Variants in DIAPH3 observed in about 807,000 individuals in gnomAD.
DIAPH3 encodes the protein protein diaphanous homolog 3.
Under a neutral mutation model 144.3 loss-of-function variants are expected in DIAPH3, and 117 were observed. The observed-to-expected ratio is 0.81, with a 90% CI of 0.70 to 0.95. DIAPH3 has a LOEUF of 0.95. DIAPH3 is among the 40% of genes least tolerant of loss of function. The pLI, the probability that DIAPH3 is intolerant of heterozygous loss-of-function variation, is 0.00. For synonymous variants in DIAPH3, 519 were observed against 488.9 expected (o/e 1.06, Z -0.81); for missense variants, 1,421 against 1,412.7 (o/e 1.01, Z -0.09).
chr13:59,753,621 G>A (rs950571534), intron 27 of DIAPH3, among the ~76,000 whole-genome samples: 2 of 152,098 alleles, frequency 1.3e-5, no homozygotes, highest in South Asian at 4.2e-4. Flanking sequence ...CACTTACAGT[G>A]AAATAAACAC....
chr13:60,049,439 T>G (rs562281347), intron 4 of DIAPH3, among the ~76,000 whole-genome samples: 6 of 152,310 alleles, frequency 3.9e-5, no homozygotes, highest in African/African-American at 1.4e-4. Flanking sequence ...TCAAGGATTC[T>G]GCATTCCCAC....
chr13:59,798,760 G>T (rs1432053318), intron 25 of DIAPH3, among the ~76,000 whole-genome samples: 2 of 152,186 alleles, frequency 1.3e-5, no homozygotes. Flanking sequence ...CCATCTGGTG[G>T]AAGAGAAATT....
At chr13:59,763,694 T>C (rs1593787613) in intron 27 of DIAPH3, among the ~76,000 whole-genome samples, 3 of 151,858 alleles carry the variant, frequency 2.0e-5, no homozygotes, top group African/African-American at 4.8e-5. Flanking sequence ...AAAAAAAAAA[T>C]TGTCTTTGAT....
intron 1 of DIAPH3, among the ~76,000 whole-genome samples, chr13:60,137,188 C>G (rs2059306929): frequency 6.6e-6 from 1 of 152,026 alleles, no homozygotes; most frequent in Non-Finnish European, 1.5e-5. Flanking sequence ...GAGGGTCACT[C>G]TGGAATTGAA....
chr13:59,774,093 G>T, intron 27 of DIAPH3, 96 bp downstream of exon 27: 1 of 1,223,764 alleles, frequency 8.2e-7, no homozygotes, highest in Non-Finnish European at 1.2e-6. Context: ...TAGTTATATT[G>T]GAACTTGAGA....
chr13:59,756,409 A>AAAGGAAGGAAGGAAGGAAGG lies in DIAPH3; in HGVS notation c.3319+17760_3319+17779dup, dbSNP rs762777029. Among the ~76,000 whole-genome samples, 244 of 137,618 alleles carry AAAGGAAGGAAGGAAGGAAGG rather than the reference A, an allele frequency of 1.8e-3. 1 individual carries two copies. Among genetic ancestry groups the AAAGGAAGGAAGGAAGGAAGG allele is most frequent in the South Asian group, 3.9e-3 (16 of 4,108 alleles). The allele number at this position is 137,618 out of a possible 152,430, so 90.3% of individuals were successfully genotyped here. A position where few individuals can be genotyped will look rare whatever the true frequency, so the allele number is the denominator to read the frequency against. ...TAGATACATGTGGTAAATTTAGTAA[A>AAAGGAAGGAAGGAAGGAAGG]AAGGAAGGAAGGAAGGAAGGAAGGA... is the stretch of plus-strand genomic sequence containing the variant. On this transcript the variant is annotated intron_variant, in intron 27 of 27. Transcript: ENST00000400324.
intron 4 of DIAPH3, among the ~76,000 whole-genome samples, chr13:60,086,364 G>A (rs1331336480): frequency 1.3e-5 from 2 of 152,068 alleles, no homozygotes; most frequent in Non-Finnish European, 2.9e-5. Flanking sequence ...AGGAATAAAT[G>A]AAAACTGAAG....
intron 25 of DIAPH3, among the ~76,000 whole-genome samples, chr13:59,798,175 C>T (rs1270766272): frequency 6.6e-6 from 1 of 152,148 alleles, no homozygotes; most frequent in Non-Finnish European, 1.5e-5. Context: ...CATCCTAGTT[C>T]AGGTCTTCTA....
chr13:59,829,161 G>A (rs879526558), intron 24 of DIAPH3, among the ~76,000 whole-genome samples: 26 of 151,990 alleles, frequency 1.7e-4, no homozygotes, highest in Middle Eastern at 3.4e-3. Flanking sequence ...GTTAGTCAAA[G>A]GTATAGCAAA....
intron 19 of DIAPH3, among the ~76,000 whole-genome samples, chr13:59,912,934 A>C (rs1381066151): frequency 1.3e-5 from 2 of 152,204 alleles, no homozygotes; most frequent in Admixed American, 6.5e-5. Flanking sequence ...CAAAACAAAA[A>C]AAAAGTGGCA....
chr13:59,943,363 C>T (rs1483873640), intron 17 of DIAPH3, among the ~76,000 whole-genome samples: 1 of 152,168 alleles, frequency 6.6e-6, no homozygotes, highest in African/African-American at 2.4e-5. Flanking sequence ...TTCTAGACCA[C>T]TGTTACTGTA....
intron 25 of DIAPH3, among the ~76,000 whole-genome samples, chr13:59,779,122 G>T (rs2038588322): frequency 1.3e-5 from 2 of 152,078 alleles, no homozygotes; most frequent in African/African-American, 2.4e-5. Flanking sequence ...CTGTCCACCT[G>T]GAACCTCTAC....
intron 21 of DIAPH3, among the ~76,000 whole-genome samples, chr13:59,865,834 T>A (rs899850133): frequency 1.3e-5 from 2 of 152,000 alleles, no homozygotes; most frequent in East Asian, 3.9e-4. Flanking sequence ...ATGGTAATAA[T>A]TTAAATTTAA....
chr13:59,971,120 G>A lies in DIAPH3; in HGVS notation c.1691C>T (p.Pro564Leu). The change falls in exon 16 of 28, where the codon CCC (proline) becomes CTC (leucine). Residue 564 changes from proline (P) to leucine (L), a missense_variant. Pro to Leu is a moderately conservative substitution (Grantham distance 98). Coordinates refer to ENST00000400324, the MANE Select transcript of DIAPH3 (RefSeq NM_001042517.2). Reference sequence around the variant, plus strand: ...GTGGCCAGTTCCACCTTCTTTAGAGGGAGGCAAAGGAATATTACAATCAGC... The same window carrying A: ...GTGGCCAGTTCCACCTTCTTTAGAGAGAGGCAAAGGAATATTACAATCAGC... ...LPADCNIPLP[P>L]SKEGGTGHSA... 1 of 1,601,636 alleles carries A rather than the reference G, an allele frequency of 6.2e-7. No individual in the cohort carries two copies. The highest frequency in any genetic ancestry group is 8.5e-7 in the Non-Finnish European group (1 of 1,173,420).
At chr13:60,153,995 A>G (rs1007745393) in intron 1 of DIAPH3, among the ~76,000 whole-genome samples, 4 of 152,100 alleles carry the variant, frequency 2.6e-5, no homozygotes, top group Admixed American at 6.6e-5. Context: ...TGCTCTGACC[A>G]TTCAGTCATC....
intron 1 of DIAPH3, among the ~76,000 whole-genome samples, chr13:60,157,280 G>A (rs2138450674): frequency 6.6e-6 from 1 of 152,218 alleles, no homozygotes; most frequent in Non-Finnish European, 1.5e-5. Context: ...ATGTAGCGCA[G>A]TACATGGGCC....
chr13:59,725,118 G>C (rs1459298887), intron 27 of DIAPH3, among the ~76,000 whole-genome samples: 1 of 152,194 alleles, frequency 6.6e-6, no homozygotes, highest in African/African-American at 2.4e-5. Context: ...GCATAGCTAA[G>C]TTTTGCTCAA....
In DIAPH3 at chr13:60,112,125, T is replaced by A; in HGVS notation, c.275A>T (p.Asn92Ile). ...GSKKERPPLP[N>I]LKTAFASSDC... Reference sequence around the variant, plus strand: ...ACTGCTTGCAAATGCAGTCTTCAGGTTGGGAAGTGGAGGTCTCTCTTTCTT... The same window carrying A: ...ACTGCTTGCAAATGCAGTCTTCAGGATGGGAAGTGGAGGTCTCTCTTTCTT... Residue 92 changes from asparagine (N) to isoleucine (I), a missense_variant, in exon 3 of 28, where the codon AAC (asparagine) becomes ATC (isoleucine). Coordinates refer to ENST00000400324, the MANE Select transcript of DIAPH3 (RefSeq NM_001042517.2). The A allele has an allele frequency of 1.2e-6, 2 of 1,614,106 alleles. No individual in the cohort carries two copies. The highest frequency in any genetic ancestry group is 4.5e-5 in the East Asian group (2 of 44,850).
chr13:59,703,041 AAAAT>A (rs772618735), intron 27 of DIAPH3, among the ~76,000 whole-genome samples: 1 of 152,154 alleles, frequency 6.6e-6, no homozygotes, highest in Non-Finnish European at 1.5e-5. Context: ...CCTAATCTTT[AAAAT>A]AAATAAATAA....
Sources: allele counts gnomAD v4.1 joint callset (sites outside exome capture counted in the v4.1 genomes callset), GRCh38; gene constraint gnomAD v4.1.1; transcripts MANE v1.5; gene names NCBI Gene and HGNC (gene_info 2026-07-23, HGNC 2026-07-21).